WDPCP: variants seen among roughly 807,000 people sequenced by gnomAD.
WDPCP encodes WD repeat containing planar cell polarity effector.
WDPCP carries 71 observed loss-of-function variants against 93.1 expected under a neutral mutation model. The observed-to-expected ratio is 0.76, with a 90% confidence interval of 0.63 to 0.93. The LOEUF is 0.93. Ranked by LOEUF, WDPCP falls within the 40% of genes least tolerant of loss-of-function variation. The probability of loss-of-function intolerance (pLI) is 0.00; values close to 1 mark genes in which losing one functional copy is unlikely to be tolerated. For missense variants in WDPCP, 844 were observed against 887.4 expected (o/e 0.95, Z 0.62); for synonymous variants, 315 against 315.0 (o/e 1.00, Z 0.00).
chr2:63,299,388 C>A (rs896690481), intron 13 of WDPCP, among the ~76,000 whole-genome samples: 2 of 152,286 alleles, frequency 1.3e-5, no homozygotes, highest in Admixed American at 6.5e-5. Flanking sequence ...GTGTACCAGG[C>A]CTGGTTAGGA....
chr2:63,556,470 C>T (rs908822242), intron 1 of WDPCP, among the ~76,000 whole-genome samples: 1 of 152,066 alleles, frequency 6.6e-6, no homozygotes, highest in African/African-American at 2.4e-5. Flanking sequence ...CAAAGCAGAC[C>T]AACATTCAAA....
In WDPCP at chr2:63,544,485, A is replaced by C. The variant is rs1704985924; in HGVS notation, c.75+43712T>G. On this transcript the variant is annotated intron_variant, in intron 1 of 17. Transcript: ENST00000272321. The stretch of plus-strand genomic sequence containing the variant: ...GAAATACATATTTCAAATGTGTTCA[A>C]ACTGATTCTCTATTATTTCAAAAAG... 3.3e-5 allele frequency among the ~76,000 whole-genome samples: 5 copies of C among 152,208 alleles called. No homozygotes were observed. In the South Asian group the frequency reaches 6.2e-4, roughly 19 times the overall value.
chr2:63,598,896 CAAAAAAAAA>C (rs1333463606), intron 3 of WDPCP, among the ~76,000 whole-genome samples: 6 of 72,230 alleles, frequency 8.3e-5, no homozygotes, highest in African/African-American at 4.8e-5. Context: ...AAAGAGGTAC[CAAAAAAAAA>C]AAAAAAAAAG....
intron 9 of WDPCP, among the ~76,000 whole-genome samples, chr2:63,407,760 T>G (rs1174834287): frequency 6.6e-6 from 1 of 152,230 alleles, no homozygotes; most frequent in Non-Finnish European, 1.5e-5. Context: ...CCAAAAACTG[T>G]GCTGGTAGGA....
At chr2:63,310,468 C>A (rs974631316) in intron 13 of WDPCP, among the ~76,000 whole-genome samples, 5 of 151,916 alleles carry the variant, frequency 3.3e-5, no homozygotes, top group African/African-American at 9.7e-5. Flanking sequence ...AAGGAATCAG[C>A]AAACTGTGAC....
chr2:63,217,559 G>C (rs1239722751), intron 14 of WDPCP, among the ~76,000 whole-genome samples: 1 of 152,160 alleles, frequency 6.6e-6, no homozygotes, highest in East Asian at 1.9e-4. Flanking sequence ...TTTCATTCAT[G>C]ATTTAGGTAC....
chr2:63,162,001 C>T (rs943993432), intron 15 of WDPCP, among the ~76,000 whole-genome samples: 2 of 152,082 alleles, frequency 1.3e-5, no homozygotes, highest in Non-Finnish European at 2.9e-5. Flanking sequence ...AACTCCTGAC[C>T]TCAAGTGATC....
chr2:63,304,541 A>G (rs1035371006), intron 13 of WDPCP, among the ~76,000 whole-genome samples: 1 of 152,158 alleles, frequency 6.6e-6, no homozygotes, highest in Non-Finnish European at 1.5e-5. Context: ...GAGGGACTGT[A>G]CCGTGAGGAA....
chr2:63,222,881 T>C (rs1210393858), intron 14 of WDPCP, among the ~76,000 whole-genome samples: 1 of 152,170 alleles, frequency 6.6e-6, no homozygotes, highest in African/African-American at 2.4e-5. Context: ...ATACATGTGT[T>C]CATTATGAGT....
At chr2:63,389,816 T>G (rs1693066444) in intron 10 of WDPCP, among the ~76,000 whole-genome samples, 1 of 151,926 alleles carries the variant, frequency 6.6e-6, no homozygotes, top group African/African-American at 2.4e-5. Context: ...TACATAATGG[T>G]AAAGGGATCA....
chr2:63,125,082 A>G (rs190361954), intron 17 of WDPCP, among the ~76,000 whole-genome samples: 2 of 151,832 alleles, frequency 1.3e-5, no homozygotes, highest in East Asian at 3.9e-4. Flanking sequence ...GTGAAATTGA[A>G]CTCTGCTTCT....
intron 2 of WDPCP, among the ~76,000 whole-genome samples, chr2:63,714,829 AAAAC>A (rs552476379): frequency 4.6e-5 from 7 of 152,246 alleles, no homozygotes; most frequent in African/African-American, 1.2e-4. Context: ...ACTCCGTCTC[AAAAC>A]AAACAAACAA....
At chr2:63,126,346 G>A (rs1669901718) in intron 17 of WDPCP, among the ~76,000 whole-genome samples, 2 of 152,134 alleles carry the variant, frequency 1.3e-5, no homozygotes, top group Admixed American at 1.3e-4. Context: ...CATGAACCAT[G>A]TTTTAGAACA....
In WDPCP at chr2:63,121,137, G is replaced by T. The variant is rs1035738395; in HGVS notation, c.*869C>A. On this transcript the variant is annotated 3_prime_UTR_variant, in exon 18 of 18. Coordinates refer to ENST00000272321, the MANE Select transcript of WDPCP (RefSeq NM_015910.7). ...AAAGGAGAGGCATTCTGAGTTTAAAGAACTCAAATCTCATATAAAAGTTGA... is the reference window on the plus strand; with the variant it reads ...AAAGGAGAGGCATTCTGAGTTTAAATAACTCAAATCTCATATAAAAGTTGA... Among the ~76,000 whole-genome samples the T allele has an allele frequency of 2.0e-5, 3 of 152,080 alleles. No homozygotes were observed. The highest frequency in any genetic ancestry group is 6.6e-5 in the Admixed American group (1 of 15,258).
chr2:63,148,793 G>A (rs1671701424), intron 17 of WDPCP, among the ~76,000 whole-genome samples: 1 of 152,078 alleles, frequency 6.6e-6, no homozygotes, highest in Non-Finnish European at 1.5e-5. Flanking sequence ...AGATGAGTCT[G>A]GGACATCTCA....
At chr2:63,623,217 C>T (rs943110175) in intron 3 of WDPCP, among the ~76,000 whole-genome samples, 3 of 152,196 alleles carry the variant, frequency 2.0e-5, no homozygotes, top group Non-Finnish European at 1.5e-5. Context: ...AAACTGGTAC[C>T]TGCCACTGCA....
At chr2:63,590,677 T>C (rs1709179811), upstream of WDPCP, 1 of 152,164 alleles carries the variant, frequency 6.6e-6, no homozygotes, top group Non-Finnish European at 1.5e-5. Flanking sequence ...GTCACAGAGA[T>C]TTTGGGCCCC....
chr2:63,494,864 G>T (rs987172505), intron 1 of WDPCP, among the ~76,000 whole-genome samples: 2 of 147,960 alleles, frequency 1.4e-5, no homozygotes, highest in African/African-American at 5.0e-5. Context: ...AGCTTGCAGT[G>T]AGCCGAGATC....
At chr2:63,676,967 A>G (rs777140770) in intron 2 of WDPCP, among the ~76,000 whole-genome samples, 2 of 152,172 alleles carry the variant, frequency 1.3e-5, no homozygotes, top group Non-Finnish European at 2.9e-5. Flanking sequence ...TGAGCTTTTC[A>G]GTGCATTTTT....
Sources: allele counts gnomAD v4.1 joint callset (sites outside exome capture counted in the v4.1 genomes callset), GRCh38; gene constraint gnomAD v4.1.1; transcripts MANE v1.5; gene names NCBI Gene and HGNC (gene_info 2026-07-23, HGNC 2026-07-21).